The following CSMD1 variants were observed in gnomAD, a reference collection of about 807,000 sequenced individuals.
CSMD1 encodes the protein CUB and sushi domain-containing protein 1.
A neutral mutation model predicts 417.5 loss-of-function variants in CSMD1; 213 were observed. The observed-to-expected ratio is 0.51, with a 90% CI of 0.46 to 0.57. CSMD1 has a LOEUF of 0.57. CSMD1 is among the 20% of genes least tolerant of loss of function. The pLI, the probability that CSMD1 is intolerant of heterozygous loss-of-function variation, is 0.00. For missense variants in CSMD1, 6,923 were observed against 4,529.7 expected (o/e 1.53, Z -15.17); for synonymous variants, 2,862 against 1,736.8 (o/e 1.65, Z -16.11).
intron 5 of CSMD1, among the ~76,000 whole-genome samples, chr8:3,969,194 G>A (rs1812903209): frequency 6.6e-6 from 1 of 152,164 alleles, no homozygotes; most frequent in African/African-American, 2.4e-5. Flanking sequence ...TGGTTGCAGT[G>A]AGCCTAGATC....
At chr8:3,065,709 T>C (rs1007457158) in intron 49 of CSMD1, among the ~76,000 whole-genome samples, 7 of 152,094 alleles carry the variant, frequency 4.6e-5, no homozygotes, top group African/African-American at 1.2e-4. Context: ...AGAAAGATGA[T>C]AGATAGGAGA....
chr8:3,025,378 CTG>C (rs1247201403), intron 51 of CSMD1, among the ~76,000 whole-genome samples: 5 of 150,896 alleles, frequency 3.3e-5, no homozygotes, highest in Admixed American at 6.6e-5. Flanking sequence ...TATTCTGAAA[CTG>C]TGTATTGTGT....
intron 8 of CSMD1, among the ~76,000 whole-genome samples, chr8:3,612,340 A>T (rs1801936647): frequency 6.6e-6 from 1 of 152,108 alleles, no homozygotes; most frequent in Non-Finnish European, 1.5e-5. Flanking sequence ...AGAAATAGAC[A>T]GATTCACAAT....
chr8:4,272,442 A>G (rs1174201350), intron 3 of CSMD1, among the ~76,000 whole-genome samples: 2 of 152,200 alleles, frequency 1.3e-5, no homozygotes. Context: ...AGGAAAAACT[A>G]TCTAAAACCA....
chr8:4,074,344 T>G (rs371983882), intron 3 of CSMD1, among the ~76,000 whole-genome samples: 1 of 152,140 alleles, frequency 6.6e-6, no homozygotes, highest in East Asian at 1.9e-4. Context: ...CATCTGAATG[T>G]AAAATGTAGT....
chr8:4,890,309 GGA>G (rs1217115678), intron 1 of CSMD1, among the ~76,000 whole-genome samples: 6 of 152,288 alleles, frequency 3.9e-5, no homozygotes, highest in African/African-American at 1.4e-4. Context: ...AAGCTGAAAA[GGA>G]GAGAGAACCT....
chr8:4,278,324 A>G (rs1299481951), intron 3 of CSMD1, among the ~76,000 whole-genome samples: 1 of 152,216 alleles, frequency 6.6e-6, no homozygotes, highest in African/African-American at 2.4e-5. Context: ...CTGGTAATCT[A>G]CAAAATGGCT....
intron 12 of CSMD1, among the ~76,000 whole-genome samples, chr8:3,417,223 A>G (rs990267947): frequency 2.0e-5 from 3 of 152,216 alleles, no homozygotes; most frequent in Non-Finnish European, 4.4e-5. Context: ...ATGATGTTCC[A>G]TAAATAAGAG....
At chr8:3,543,847 G>C (rs987824883) in intron 10 of CSMD1, among the ~76,000 whole-genome samples, 1 of 152,294 alleles carries the variant, frequency 6.6e-6, no homozygotes, top group Non-Finnish European at 1.5e-5. Flanking sequence ...CAGATGGATT[G>C]TATTTGAAGC....
intron 49 of CSMD1, among the ~76,000 whole-genome samples, chr8:3,085,733 T>C (rs941909793): frequency 2.0e-5 from 3 of 152,212 alleles, no homozygotes; most frequent in Non-Finnish European, 4.4e-5. Flanking sequence ...CATCCTTTAA[T>C]CCTTCTCAAC....
At position 3,424,505 on chromosome 8, in the gene CSMD1, T is replaced by C. The variant is rs530533531; in HGVS notation, c.1562-14900A>G. ...CTTAATGATTGTCCCTTAGGTCATA[T>C]AGAGAAAAAAAGTTAAAAAATTACT... is the stretch of plus-strand genomic sequence containing the variant. On this transcript the variant is annotated intron_variant, in intron 12 of 69. Coordinates refer to ENST00000635120, the MANE Select transcript of CSMD1 (RefSeq NM_033225.6). Among the ~76,000 whole-genome samples, 5 of 152,336 alleles carry C rather than the reference T, an allele frequency of 3.3e-5. No homozygotes were observed. In the East Asian group the frequency reaches 5.8e-4, roughly 18 times the overall value.
intron 3 of CSMD1, among the ~76,000 whole-genome samples, chr8:4,404,006 C>A (rs1421104939): frequency 3.3e-5 from 5 of 152,220 alleles, no homozygotes; most frequent in Non-Finnish European, 5.9e-5. Flanking sequence ...AATCAATTAG[C>A]AAACTCGATT....
intron 2 of CSMD1, among the ~76,000 whole-genome samples, chr8:4,553,980 A>G (rs1436520146): frequency 6.6e-6 from 1 of 152,198 alleles, no homozygotes; most frequent in Non-Finnish European, 1.5e-5. Context: ...GTCTGCTGGC[A>G]TGAGACAGTC....
In CSMD1 at chr8:3,383,065, G is replaced by A. The variant is rs373429966; in HGVS notation, c.2782+4429C>T. Among the ~76,000 whole-genome samples the A allele has an allele frequency of 6.6e-5, 10 of 151,804 alleles. No homozygotes were observed. The East Asian group carries it at 1.4e-3, about 21-fold the overall frequency. On this transcript the variant is annotated intron_variant, in intron 18 of 69. Coordinates refer to ENST00000635120, the MANE Select transcript of CSMD1 (RefSeq NM_033225.6). ...AGCGCATGTAGATAGCCAGATTGGA[G>A]AAGAAATGGATCTGGACACTACATC...
intron 3 of CSMD1, among the ~76,000 whole-genome samples, chr8:4,219,692 G>C (rs989572082): frequency 3.9e-5 from 6 of 152,140 alleles, no homozygotes; most frequent in African/African-American, 1.2e-4. Flanking sequence ...CACAAGTCAA[G>C]AGTTTAAATA....
chr8:3,958,466 T>A (rs80207121), intron 5 of CSMD1, among the ~76,000 whole-genome samples: 2,562 of 152,272 alleles, frequency 0.017, 90 homozygotes, highest in African/African-American at 0.057. Flanking sequence ...TTTTTAAAAA[T>A]GAATTATAAT....
rs1478085074 is a variant in CSMD1, at chr8:3,187,623, C to T, written c.5620+246G>A. ...TCTGCTGCCAGCCTGAGACCTGCCG[C>T]ATGTCAAAGCTCTGCTATCTGACAC... On this transcript the variant is annotated intron_variant, in intron 36 of 69. Coordinates refer to ENST00000635120, the MANE Select transcript of CSMD1 (RefSeq NM_033225.6). Among the ~76,000 whole-genome samples the T allele has an allele frequency of 2.0e-5, 3 of 152,182 alleles. No individual in the cohort carries two copies. In the East Asian group the frequency reaches 5.8e-4, roughly 29 times the overall value.
intron 5 of CSMD1, among the ~76,000 whole-genome samples, chr8:3,892,350 G>A (rs766188192): frequency 2.0e-5 from 3 of 152,072 alleles, no homozygotes; most frequent in Non-Finnish European, 2.9e-5. Flanking sequence ...TCAAGAAGAC[G>A]TGTGGGGAAC....
At chr8:3,891,708 A>T (rs1806985801) in intron 5 of CSMD1, among the ~76,000 whole-genome samples, 1 of 151,998 alleles carries the variant, frequency 6.6e-6, no homozygotes, top group South Asian at 2.1e-4. Flanking sequence ...GGATTAACTC[A>T]GTCTCCTAAC....
Sources: gnomAD v4.1 joint callset for allele counts (sites outside exome capture counted in the v4.1 genomes callset) on GRCh38, gnomAD v4.1.1 for gene constraint, MANE v1.5 for transcripts, NCBI Gene and HGNC (gene_info 2026-07-23, HGNC 2026-07-21) for gene names.